KCTD14: variants seen among roughly 807,000 people sequenced by gnomAD.
KCTD14 encodes the protein BTB/POZ domain-containing protein KCTD14.
KCTD14 carries 7 observed loss-of-function variants against 5.9 expected under a neutral mutation model. The observed-to-expected ratio is 1.19, with a 90% CI of 0.68 to 2.23. The LOEUF is 2.23. Among genes scored for constraint, KCTD14 ranks in the 30% most tolerant of loss-of-function variants. KCTD14 has a pLI of 0.00. For synonymous variants in KCTD14, 140 were observed against 133.1 expected, an observed-to-expected ratio of 1.05 and a Z score of -0.36; for missense variants, 342 against 332.2, an observed-to-expected ratio of 1.03 and a Z score of -0.23.
Position 78,031,845 on chromosome 11 carries a change from G to A in KCTD14, c.-1+6819C>T, listed in dbSNP as rs979258028. Among the ~76,000 whole-genome samples the A allele has an allele frequency of 3.3e-5, 5 of 152,300 alleles. No individual in the cohort carries two copies. The East Asian group carries it at 5.8e-4, about 18-fold the overall frequency. On this transcript the variant is annotated intron_variant, in intron 2 of 2. Coordinates refer to the KCTD14 transcript ENST00000533144. ...GAATAACCACAGAAATGAATATCTG[G>A]TTTCACAGTGTGACCAGTGCTCTGA...
chr11:78,037,288 C>G (rs1249730941), intron 2 of KCTD14, among the ~76,000 whole-genome samples: 3 of 152,246 alleles, frequency 2.0e-5, no homozygotes, highest in Admixed American at 2.0e-4. Flanking sequence ...CATCCTCTTC[C>G]CTGTTTGCCC....
rs1361080787 is a variant in KCTD14 at position 78,016,188 on chromosome 11, G to A, written c.*405C>T. 4.5e-6 allele frequency: 1 copy of A among 221,460 alleles called. No individual in the cohort carries two copies. The highest frequency in any genetic ancestry group is 2.3e-5 in the African/African-American group (1 of 43,156). 13.7% of individuals were successfully genotyped at this position (221,460 alleles called of 1,614,324 possible). A position where few individuals can be genotyped will look rare whatever the true frequency, so the allele number is the denominator to read the frequency against. Reference sequence around the variant, plus strand: ...ACCTACTACATGAAGGCACATGCCAGGGACAGATGGATTGGACCCCAAGCT... The same window carrying A: ...ACCTACTACATGAAGGCACATGCCAAGGACAGATGGATTGGACCCCAAGCT... On this transcript the variant is annotated 3_prime_UTR_variant, in exon 2 of 2. Coordinates refer to ENST00000353172, the MANE Select transcript of KCTD14 (RefSeq NM_023930.4).
chr11:78,023,618 T>C, upstream of KCTD14: 1 of 201,276 alleles, frequency 5.0e-6, no homozygotes, highest in Non-Finnish European at 1.0e-5. Flanking sequence ...GCTCAAGTGA[T>C]CCTCCCACCT....
intron 1 of KCTD14, among the ~76,000 whole-genome samples, chr11:78,041,343 T>C (rs186197587): frequency 6.6e-6 from 1 of 152,266 alleles, no homozygotes; most frequent in Non-Finnish European, 1.5e-5. Context: ...TAGCTGGATT[T>C]CCTAGGCCGA....
chr11:78,040,499 A>T (rs1857960506), intron 1 of KCTD14, among the ~76,000 whole-genome samples: 3 of 145,276 alleles, frequency 2.1e-5, no homozygotes, highest in African/African-American at 5.1e-5. Context: ...TTCTTTCTGC[A>T]CCTTTTAATT....
At chr11:78,041,536 G>A (rs534538080) in intron 1 of KCTD14, among the ~76,000 whole-genome samples, 6 of 152,296 alleles carry the variant, frequency 3.9e-5, no homozygotes, top group African/African-American at 1.2e-4. Flanking sequence ...CGGGAGGGAC[G>A]ATGATCAGGA....
intron 2 of KCTD14, among the ~76,000 whole-genome samples, chr11:78,038,057 G>T (rs113521420): frequency 6.6e-6 from 1 of 150,874 alleles, no homozygotes. Flanking sequence ...GACCAGCATG[G>T]ATTAAGGCAC....
chr11:78,033,083 A>C (rs1857674917), intron 2 of KCTD14, among the ~76,000 whole-genome samples: 1 of 152,174 alleles, frequency 6.6e-6, no homozygotes, highest in Non-Finnish European at 1.5e-5. Context: ...AGTATGGTTA[A>C]GATCCCTTCC....
At chr11:78,033,667 G>A (rs1469062722) in intron 2 of KCTD14, among the ~76,000 whole-genome samples, 4 of 129,740 alleles carry the variant, frequency 3.1e-5, no homozygotes, top group Admixed American at 8.4e-5. Context: ...GGGCAACAGA[G>A]CGAGACTCCT....
intron 1 of KCTD14, among the ~76,000 whole-genome samples, chr11:78,018,674 T>C (rs1019553881): frequency 2.0e-5 from 3 of 151,226 alleles, no homozygotes; most frequent in Non-Finnish European, 4.4e-5. Context: ...GCCACCGCAC[T>C]CCAGCCTGCG....
At chr11:78,038,528 AC>A (rs1857885974) in intron 2 of KCTD14, 2 of 995,098 alleles carry the variant, frequency 2.0e-6, no homozygotes, top group South Asian at 1.6e-5. Flanking sequence ...AATCAACCGC[AC>A]CCCATCTGGC....
chr11:78,016,504 G>T lies in KCTD14; in HGVS notation c.*89C>A. 8.5e-7 allele frequency: 1 copy of T among 1,182,268 alleles called. No homozygotes were observed. The highest frequency in any genetic ancestry group is 1.2e-6 in the Non-Finnish European group (1 of 837,206). 73.2% of individuals were successfully genotyped at this position (1,182,268 alleles called of 1,614,324 possible). A position where few individuals can be genotyped will look rare whatever the true frequency, so the allele number is the denominator to read the frequency against. ...AGACCAACCCTGGAAATTGCCTGAT[G>T]TTTGTGAAATTAAAAGAAAATGGCT... On this transcript the variant is annotated 3_prime_UTR_variant, in exon 2 of 2. Coordinates refer to ENST00000353172, the MANE Select transcript of KCTD14 (RefSeq NM_023930.4).
At chr11:78,034,552 T>C (rs764717693) in intron 2 of KCTD14, among the ~76,000 whole-genome samples, 28 of 151,820 alleles carry the variant, frequency 1.8e-4, no homozygotes, top group Non-Finnish European at 3.2e-4. Flanking sequence ...TTCTTTCAAG[T>C]CATGTGTGGA....
At chr11:78,044,800 G>T (rs781051204) in intron 1 of KCTD14, among the ~76,000 whole-genome samples, 3 of 152,088 alleles carry the variant, frequency 2.0e-5, no homozygotes. Flanking sequence ...AGAGGACCAA[G>T]CAGGTGACTT....
At chr11:78,037,526 C>T (rs1857842973) in intron 2 of KCTD14, among the ~76,000 whole-genome samples, 1 of 152,218 alleles carries the variant, frequency 6.6e-6, no homozygotes, top group Admixed American at 6.5e-5. Flanking sequence ...CAGAACTATA[C>T]TCATCCCAGG....
Position 78,023,264 on chromosome 11 carries a change from CCAGCGGAAG to C in KCTD14, c.-24_-16del, listed in dbSNP as rs1857357149. Reference sequence around the variant, plus strand: ...CCCTGCCACATGCAGATCACTTGGGCCAGCGGAAGTGCCCCTGGCTGCCCGCCCCTAGGT... The same window carrying C: ...CCCTGCCACATGCAGATCACTTGGGCTGCCCCTGGCTGCCCGCCCCTAGGT... On this transcript the variant is annotated 5_prime_UTR_variant, in exon 1 of 2. Transcript: ENST00000353172. 6.2e-7 allele frequency: 1 copy of C among 1,607,928 alleles called. No individual in the cohort carries two copies.
intron 2 of KCTD14, among the ~76,000 whole-genome samples, chr11:78,035,920 G>A (rs1042605938): frequency 1.3e-5 from 2 of 151,514 alleles, no homozygotes; most frequent in East Asian, 1.9e-4. Context: ...AGCACTTTGG[G>A]AGGTCAAGGG....
intron 1 of KCTD14, chr11:78,038,779 C>T: frequency 6.5e-7 from 1 of 1,535,626 alleles, no homozygotes; most frequent in Non-Finnish European, 8.7e-7. Flanking sequence ...AAGAGAATTT[C>T]TTAGAAGACT....
At chr11:78,018,431 G>A (rs1246239755) in intron 1 of KCTD14, among the ~76,000 whole-genome samples, 2 of 152,034 alleles carry the variant, frequency 1.3e-5, no homozygotes, top group Non-Finnish European at 2.9e-5. Context: ...TAAAGGCCGG[G>A]CATGGTGCCT....
Sources: allele counts gnomAD v4.1 joint callset (sites outside exome capture counted in the v4.1 genomes callset), GRCh38; gene constraint gnomAD v4.1.1; transcripts MANE v1.5; gene names NCBI Gene and HGNC (gene_info 2026-07-23, HGNC 2026-07-21).